Variants in PRH1 observed in about 807,000 individuals in gnomAD.
The protein encoded by PRH1 is proline rich protein HaeIII subfamily 1, also known as salivary acidic proline-rich phosphoprotein 1/2.
A neutral mutation model predicts 7.9 loss-of-function variants in PRH1; 7 were observed. The observed-to-expected ratio is 0.89, with a 90% CI of 0.50 to 1.67. The LOEUF is 1.67. Among genes scored for constraint, PRH1 ranks in the 40% most tolerant of loss-of-function variants. PRH1 has a pLI of 0.00. For synonymous variants in PRH1, 45 were observed against 80.8 expected (o/e 0.56, Z 2.38); for missense variants, 109 against 223.6 (o/e 0.49, Z 3.27).
Position 10,994,490 on chromosome 12 carries a change from A to G in PRH1, c.-125-20769T>C, listed in dbSNP as rs544527180. Among the ~76,000 whole-genome samples the G allele has an allele frequency of 3.9e-5, 6 of 152,292 alleles. No individual in the cohort carries two copies. The East Asian group carries it at 5.8e-4, about 15-fold the overall frequency. The stretch of plus-strand genomic sequence containing the variant: ...ACCACCATGCTGTCTCTCTCACATC[A>G]TTGTGAAGTGGTCGTCAGCAGAGTC... On this transcript the variant is annotated intron_variant, in intron 1 of 3. Transcript: ENST00000539853.
At chr12:11,066,992 C>A (rs1163896170) in intron 1 of PRH1, among the ~76,000 whole-genome samples, 1 of 152,132 alleles carries the variant, frequency 6.6e-6, no homozygotes, top group Non-Finnish European at 1.5e-5. Context: ...AAAATACTCT[C>A]TGCAATAATA....
At chr12:11,170,525 C>T (rs1442589581) in intron 1 of PRH1, among the ~76,000 whole-genome samples, 2 of 152,106 alleles carry the variant, frequency 1.3e-5, no homozygotes, top group African/African-American at 4.8e-5. Context: ...CCAGCCTGGG[C>T]GACAGAGCGA....
chr12:10,926,301 G>T (rs1045492222), intron 2 of PRH1, among the ~76,000 whole-genome samples: 5 of 152,200 alleles, frequency 3.3e-5, no homozygotes, highest in Admixed American at 2.6e-4. Flanking sequence ...TCTCGGAGAA[G>T]TTTATCCCCT....
intron 1 of PRH1, among the ~76,000 whole-genome samples, chr12:11,156,232 T>A (rs913045260): frequency 3.9e-5 from 6 of 152,190 alleles, no homozygotes; most frequent in Non-Finnish European, 5.9e-5. Context: ...GAAAATCAGT[T>A]GTCATTCAAA....
intron 1 of PRH1, among the ~76,000 whole-genome samples, chr12:11,038,110 T>C (rs1334538892): frequency 6.6e-6 from 1 of 152,266 alleles, no homozygotes; most frequent in Non-Finnish European, 1.5e-5. Flanking sequence ...TATTCTCCTT[T>C]ATTCAGCAAA....
chr12:11,061,069 T>G (rs1175736867), intron 1 of PRH1, among the ~76,000 whole-genome samples: 2 of 152,186 alleles, frequency 1.3e-5, no homozygotes, highest in Admixed American at 6.5e-5. Flanking sequence ...AGGTATGGAT[T>G]CATAATTCTT....
At chr12:10,993,411 G>T (rs375962049) in intron 1 of PRH1, among the ~76,000 whole-genome samples, 19 of 152,084 alleles carry the variant, frequency 1.2e-4, no homozygotes, top group African/African-American at 4.3e-4. Flanking sequence ...GAAGTGATGA[G>T]TTTCTCAAAT....
chr12:11,160,063 C>A (rs111598962), intron 1 of PRH1, among the ~76,000 whole-genome samples: 1 of 152,114 alleles, frequency 6.6e-6, no homozygotes, highest in East Asian at 1.9e-4. Context: ...TGTAAACATG[C>A]AAAAATGAGA....
At chr12:11,001,448 G>A (rs540306121) in intron 1 of PRH1, among the ~76,000 whole-genome samples, 1 of 152,220 alleles carries the variant, frequency 6.6e-6, no homozygotes, top group Admixed American at 6.6e-5. Context: ...CACTTTAGAT[G>A]TGCCAGCAAC....
chr12:10,972,987 T>C (rs1591750848), intron 2 of PRH1, among the ~76,000 whole-genome samples: 1 of 133,328 alleles, frequency 7.5e-6, no homozygotes. Flanking sequence ...TATTGTCCTA[T>C]AATTTTCAAA....
chr12:10,908,811 G>T, intron 2 of PRH1: 2 of 1,613,862 alleles, frequency 1.2e-6, no homozygotes, highest in Non-Finnish European at 1.7e-6. Context: ...ATTCCAAGTT[G>T]TGTTTCTTTC....
chr12:11,104,061 C>T (rs2708361), intron 1 of PRH1, among the ~76,000 whole-genome samples: 68,981 of 151,502 alleles, frequency 0.46, 16,487 homozygotes, highest in Non-Finnish European at 0.53. Context: ...CATCCAACTT[C>T]ATTGAGTGCT....
intron 1 of PRH1, among the ~76,000 whole-genome samples, chr12:11,147,058 G>A (rs1946883207): frequency 6.6e-6 from 1 of 151,976 alleles, no homozygotes; most frequent in South Asian, 2.1e-4. Flanking sequence ...TTTTCTATAT[G>A]TATTTTTCAA....
chr12:10,918,213 A>G (rs1402349379), intron 2 of PRH1, among the ~76,000 whole-genome samples: 1 of 152,044 alleles, frequency 6.6e-6, no homozygotes, highest in African/African-American at 2.4e-5. Context: ...CTTAGCGGGC[A>G]TGTTGGGGCA....
chr12:11,029,463 CTCTTA>C (rs1418776333), intron 1 of PRH1, among the ~76,000 whole-genome samples: 3 of 152,156 alleles, frequency 2.0e-5, no homozygotes, highest in African/African-American at 7.2e-5. Context: ...GATTTGAGTT[CTCTTA>C]TCTGAAGTTT....
chr12:11,123,572 C>G (rs1303914348), intron 1 of PRH1, among the ~76,000 whole-genome samples: 1 of 152,050 alleles, frequency 6.6e-6, no homozygotes, highest in Non-Finnish European at 1.5e-5. Flanking sequence ...AATTTTATTG[C>G]TTCTTGCATG....
At chr12:10,913,503 ATTT>A (rs1413439942) in intron 2 of PRH1, among the ~76,000 whole-genome samples, 1 of 152,050 alleles carries the variant, frequency 6.6e-6, no homozygotes, top group African/African-American at 2.4e-5. Flanking sequence ...ACATTAGCTT[ATTT>A]TTGTTAGTGT....
chr12:10,887,115 A>T (rs1949503589), upstream of PRH1, among the ~76,000 whole-genome samples: 1 of 152,116 alleles, frequency 6.6e-6, no homozygotes, highest in Admixed American at 6.5e-5. Flanking sequence ...CACATGCCTC[A>T]CTCTTTTTTG....
intron 1 of PRH1, among the ~76,000 whole-genome samples, chr12:11,105,938 T>TAAGAAGCTCATTAA (rs1592024777): frequency 4.0e-5 from 4 of 99,504 alleles, no homozygotes; most frequent in East Asian, 2.3e-4. Flanking sequence ...AACTTATTCT[T>TAAGAAGCTCATTAA]TTTTTTTTTT....
Sources: gnomAD v4.1 joint callset for allele counts (sites outside exome capture counted in the v4.1 genomes callset) on GRCh38, gnomAD v4.1.1 for gene constraint, MANE v1.5 for transcripts, NCBI Gene and HGNC (gene_info 2026-07-23, HGNC 2026-07-21) for gene names.